Variants in PDE11A observed in about 807,000 individuals in gnomAD.
PDE11A encodes dual 3',5'-cyclic-AMP and -GMP phosphodiesterase 11A.
In PDE11A, 100 loss-of-function variants were observed where a neutral mutation model predicts 100.5. That is an observed-to-expected ratio of 1.00 (90% CI 0.85 to 1.18). The LOEUF (loss-of-function observed/expected upper bound fraction) is 1.18, where lower values mean the gene tolerates loss of function less well. Among genes scored for constraint, PDE11A ranks in the 50% most tolerant of loss-of-function variants. The pLI, the probability that PDE11A is intolerant of heterozygous loss-of-function variation, is 0.00. For missense variants in PDE11A, 1,141 were observed against 1,152.6 expected, an observed-to-expected ratio of 0.99 and a Z score of 0.15; for synonymous variants, 381 against 420.8, an observed-to-expected ratio of 0.91 and a Z score of 1.16.
chr2:177,900,103 T>C (rs948913862), intron 3 of PDE11A, among the ~76,000 whole-genome samples: 32 of 152,254 alleles, frequency 2.1e-4, no homozygotes, highest in African/African-American at 7.7e-4. Context: ...AAATAAAAAA[T>C]AAATAATAAA....
chr2:177,988,550 T>A (rs2085966674), intron 2 of PDE11A, among the ~76,000 whole-genome samples: 1 of 152,104 alleles, frequency 6.6e-6, no homozygotes, highest in Admixed American at 6.5e-5. Context: ...CTTAGAAGAG[T>A]CCTGTGCTTG....
intron 2 of PDE11A, among the ~76,000 whole-genome samples, chr2:178,098,221 G>T (rs940000630): frequency 6.6e-6 from 1 of 152,114 alleles, no homozygotes; most frequent in African/African-American, 2.4e-5. Context: ...ACAATCCCCA[G>T]CTGTATTTAA....
At chr2:177,860,685 T>A (rs1455510692) in intron 5 of PDE11A, among the ~76,000 whole-genome samples, 1 of 151,530 alleles carries the variant, frequency 6.6e-6, no homozygotes, top group East Asian at 1.9e-4. Context: ...GATGCAAAAA[T>A]TCTCAAAAAT....
At chr2:177,697,503 T>C in intron 14 of PDE11A, 71 bp from the exon 15 acceptor site, 1 of 808,964 alleles carries the variant, frequency 1.2e-6, no homozygotes, top group Non-Finnish European at 2.2e-6. Context: ...TTTTCCTCTA[T>C]TTAAAAAAAA....
chr2:177,780,171 A>G (rs1237690890), intron 9 of PDE11A, among the ~76,000 whole-genome samples: 1 of 152,208 alleles, frequency 6.6e-6, no homozygotes, highest in Non-Finnish European at 1.5e-5. Flanking sequence ...TTAGCAAACC[A>G]TGCTGTTTAC....
chr2:177,935,112 C>CA (rs566697134), intron 2 of PDE11A, among the ~76,000 whole-genome samples: 40 of 150,552 alleles, frequency 2.7e-4, no homozygotes, highest in East Asian at 2.5e-3. Context: ...AATAAAAGTA[C>CA]AAAAAAAAAG....
At chr2:178,088,589 T>C (rs1468974467) in intron 2 of PDE11A, among the ~76,000 whole-genome samples, 1 of 152,248 alleles carries the variant, frequency 6.6e-6, no homozygotes, top group African/African-American at 2.4e-5. Flanking sequence ...ATTTTCACTT[T>C]AATTAAATGA....
At chr2:177,862,335 C>A in intron 5 of PDE11A, among the ~76,000 whole-genome samples, 1 of 151,750 alleles carries the variant, frequency 6.6e-6, no homozygotes, top group Non-Finnish European at 1.5e-5. Flanking sequence ...TAGGAAAATG[C>A]AAATCAAAAC....
chr2:177,696,420 A>G (rs56797590), intron 15 of PDE11A, among the ~76,000 whole-genome samples: 2,722 of 152,278 alleles, frequency 0.018, 97 homozygotes, highest in African/African-American at 0.061. Flanking sequence ...GAGATTGGGC[A>G]AGCAAGGAGA....
At chr2:177,947,827 T>C (rs2085462793) in intron 2 of PDE11A, among the ~76,000 whole-genome samples, 3 of 151,524 alleles carry the variant, frequency 2.0e-5, no homozygotes, top group African/African-American at 7.3e-5. Flanking sequence ...TAATTTTAAT[T>C]TTACATTAAA....
intron 5 of PDE11A, among the ~76,000 whole-genome samples, chr2:177,861,885 C>A (rs2083951035): frequency 6.6e-6 from 1 of 151,830 alleles, no homozygotes; most frequent in Admixed American, 6.6e-5. Context: ...TGATATTGGA[C>A]CCCTTATCTC....
chr2:177,724,881 A>G (rs1449108653), intron 12 of PDE11A, among the ~76,000 whole-genome samples: 2 of 152,060 alleles, frequency 1.3e-5, no homozygotes, highest in African/African-American at 4.8e-5. Flanking sequence ...CTCAGCACAC[A>G]CACGCTGTGC....
intron 12 of PDE11A, among the ~76,000 whole-genome samples, chr2:177,712,765 T>A (rs1039606760): frequency 3.3e-5 from 5 of 152,196 alleles, no homozygotes; most frequent in Non-Finnish European, 7.3e-5. Flanking sequence ...AAGGCCTTTA[T>A]ATCTCCCCCT....
At chr2:178,074,280 T>C (rs1177661134), upstream of PDE11A, among the ~76,000 whole-genome samples, 1 of 152,186 alleles carries the variant, frequency 6.6e-6, no homozygotes, top group Non-Finnish European at 1.5e-5. Flanking sequence ...AAAAATGTTC[T>C]AAATTGATTG....
chr2:177,920,916 G>T (rs2085031797), intron 2 of PDE11A, among the ~76,000 whole-genome samples: 1 of 151,916 alleles, frequency 6.6e-6, no homozygotes, highest in Non-Finnish European at 1.5e-5. Context: ...CAAAAAATTA[G>T]CCGGGCGTGG....
intron 9 of PDE11A, among the ~76,000 whole-genome samples, chr2:177,781,504 CTT>C (rs71010818): frequency 0.052 from 7,551 of 145,556 alleles, 421 homozygotes; most frequent in African/African-American, 0.14. Flanking sequence ...TTTTTCTTTT[CTT>C]TTTTTTTTTT....
At chr2:177,937,703 A>C (rs189769725) in intron 2 of PDE11A, among the ~76,000 whole-genome samples, 7 of 152,292 alleles carry the variant, frequency 4.6e-5, no homozygotes, top group Non-Finnish European at 7.4e-5. Context: ...CTTTCCAAAA[A>C]CCTACAATGG....
intron 10 of PDE11A, among the ~76,000 whole-genome samples, chr2:177,760,037 T>G (rs1322589279): frequency 6.6e-6 from 1 of 152,174 alleles, no homozygotes; most frequent in Non-Finnish European, 1.5e-5. Context: ...GCTTCCATTT[T>G]CCTACTCCGC....
chr2:177,681,157 A>G (rs1372170749), intron 15 of PDE11A, among the ~76,000 whole-genome samples: 1 of 152,218 alleles, frequency 6.6e-6, no homozygotes, highest in Non-Finnish European at 1.5e-5. Flanking sequence ...ATAAAACAGA[A>G]AACAATGTGG....
Sources: gnomAD v4.1 joint callset for allele counts (sites outside exome capture counted in the v4.1 genomes callset) on GRCh38, gnomAD v4.1.1 for gene constraint, MANE v1.5 for transcripts, NCBI Gene and HGNC (gene_info 2026-07-23, HGNC 2026-07-21) for gene names.